Variants in SALL3 observed in about 807,000 individuals in gnomAD.
SALL3 encodes spalt like transcription factor 3, also known as sal-like protein 3.
In SALL3, 25 loss-of-function variants were observed where a neutral mutation model predicts 66.2. That is an observed-to-expected ratio of 0.38 (90% CI 0.28 to 0.53). SALL3 has a LOEUF of 0.53. Ranked by LOEUF, SALL3 falls within the 20% of genes least tolerant of loss-of-function variation. SALL3 has a pLI of 0.85. For synonymous variants in SALL3, 1,152 were observed against 899.1 expected, an observed-to-expected ratio of 1.28 and a Z score of -5.03; for missense variants, 2,194 against 1,916.5, an observed-to-expected ratio of 1.14 and a Z score of -2.70.
rs367831612 is a variant in SALL3, at chr18:78,995,277, C to T, written c.3286C>T (p.Pro1096Ser). ...CGCCGGGCCTCAGACAGTGATGGGC[C>T]CGGGCCTGGCGCCCATGCTGGCCCC... is the stretch of plus-strand genomic sequence containing the variant. ...VPAGPQTVMG[P>S]GLAPMLAPPP... is the part of the protein sequence containing the mutation. Residue 1096 changes from proline to serine, a missense_variant, in exon 2 of 3, where the codon CCG (proline) becomes TCG (serine). By Grantham distance (74) the Pro-to-Ser change is moderately conservative (BLOSUM62 -1). Coordinates refer to ENST00000537592, the MANE Select transcript of SALL3 (RefSeq NM_171999.4). 9 of 1,586,964 alleles carry T rather than the reference C, an allele frequency of 5.7e-6. No individual in the cohort carries two copies. The highest frequency in any genetic ancestry group is 7.7e-6 in the Non-Finnish European group (9 of 1,171,916).
chr18:78,992,551 C>G lies in SALL3; in HGVS notation c.560C>G (p.Ala187Gly). 1 of 1,498,284 alleles carries G rather than the reference C, an allele frequency of 6.7e-7. No individual in the cohort carries two copies. 92.8% of individuals were successfully genotyped at this position (1,498,284 alleles called of 1,614,324 possible). ...GCGCAGTTCTCGCAGGGCGCGCGCGCGGCAGGCGGCTCGGGAGCAGGTGGA... is the reference window on the plus strand; with the variant it reads ...GCGCAGTTCTCGCAGGGCGCGCGCGGGGCAGGCGGCTCGGGAGCAGGTGGA... ...AVAQFSQGARAAGGSGAGGGV... is the reference protein window; with the variant it reads ...AVAQFSQGARGAGGSGAGGGV... The change falls in exon 2 of 3, where the codon GCG (alanine) becomes GGG (glycine). Residue 187 changes from alanine to glycine, a missense_variant. By Grantham distance (60) the Ala-to-Gly change is moderately conservative (BLOSUM62 0). Transcript: ENST00000537592.
chr18:78,987,608 G>C (rs1243170979), intron 1 of SALL3, among the ~76,000 whole-genome samples: 2 of 152,176 alleles, frequency 1.3e-5, no homozygotes, highest in Non-Finnish European at 2.9e-5. Context: ...TTTTTATCCT[G>C]TGTAGTGCAG....
Position 78,980,212 on chromosome 18 carries a change from C to A in SALL3, c.-63C>A. The A allele has an allele frequency of 2.4e-6, 2 of 836,416 alleles. No homozygotes were observed. The highest frequency in any genetic ancestry group is 2.9e-6 in the Non-Finnish European group (2 of 695,948). 51.8% of individuals were successfully genotyped at this position (836,416 alleles called of 1,614,324 possible). A position where few individuals can be genotyped will look rare whatever the true frequency, so the allele number is the denominator to read the frequency against. ...GCGCGCCCGCCAGGCCGCCCCGCGC[C>A]GTCCCCGCCGGCCGCCCCGCTGATG... On this transcript the variant is annotated 5_prime_UTR_variant, in exon 1 of 3. Transcript: ENST00000537592.
intron 1 of SALL3, among the ~76,000 whole-genome samples, chr18:78,991,215 A>G (rs1402890883): frequency 2.0e-5 from 3 of 152,210 alleles, no homozygotes; most frequent in Admixed American, 1.3e-4. Context: ...ACTGAATTCT[A>G]TTGGCTAATA....
rs1291608073 is a variant in SALL3, at chr18:78,994,099, G to A, written c.2108G>A (p.Gly703Glu). ...AAGATGCACTACCGGACGCACACGG[G>A]GGAGCGGCCGTTCAAGTGCAAGATC... The part of the protein sequence containing the change: ...ALKMHYRTHT[G>E]ERPFKCKICG... Residue 703 changes from glycine (G) to glutamate (E), a missense_variant, in exon 2 of 3, where the codon GGG (glycine) becomes GAG (glutamate). Coordinates refer to ENST00000537592, the MANE Select transcript of SALL3 (RefSeq NM_171999.4). 11 of 1,612,820 alleles carry A rather than the reference G, an allele frequency of 6.8e-6. No individual in the cohort carries two copies. The highest frequency in any genetic ancestry group is 9.3e-6 in the Non-Finnish European group (11 of 1,179,992).
Position 78,994,169 on chromosome 18 carries a change from C to T in SALL3, c.2178C>T (p.Phe726=), listed in dbSNP as rs541206834. 109 of 1,613,196 alleles carry T rather than the reference C, an allele frequency of 6.8e-5. 1 individual carries two copies. The South Asian group carries it at 1.1e-3, about 17-fold the overall frequency. Residue 726 remains phenylalanine, a synonymous_variant, in exon 2 of 3, where the codon TTC becomes TTT. Coordinates refer to ENST00000537592, the MANE Select transcript of SALL3 (RefSeq NM_171999.4). ...FTTKGNLKTH[F]GVHRAKPPLR... is the part of the protein sequence containing the mutation. ...CCAAGGGCAACCTCAAGACGCACTT[C>T]GGCGTGCACCGTGCAAAGCCGCCCC...
chr18:78,991,970 G>A (rs1175273633), intron 1 of SALL3, 104 bp from the exon 2 acceptor site: 3 of 912,308 alleles, frequency 3.3e-6, no homozygotes, highest in Non-Finnish European at 4.6e-6. Flanking sequence ...ATGTCGAAGT[G>A]GGGTAATTTG....
chr18:78,992,053 C>T (rs1005624623), intron 1 of SALL3, 21 bp from the exon 2 acceptor site: 2 of 1,414,014 alleles, frequency 1.4e-6, no homozygotes, highest in Non-Finnish European at 1.8e-6. Context: ...CCCCGGCTGA[C>T]TCACTCTCTT....
At position 78,994,885 on chromosome 18, in the gene SALL3, T is replaced by A; in HGVS notation, c.2894T>A (p.Leu965Gln). The A allele has an allele frequency of 6.2e-7, 1 of 1,611,196 alleles. No individual in the cohort carries two copies. The highest frequency in any genetic ancestry group is 8.5e-7 in the Non-Finnish European group (1 of 1,179,014). Residue 965 changes from leucine (L) to glutamine (Q), a missense_variant, in exon 2 of 3, where the codon CTG becomes CAG. Leu to Gln is a moderately radical substitution (Grantham distance 113). Coordinates refer to ENST00000537592, the MANE Select transcript of SALL3 (RefSeq NM_171999.4). The stretch of plus-strand genomic sequence containing the variant: ...AAGGAGGAGGCGCCCTTCAGCCTGC[T>A]GTTCCTGAGCAGGGAGCGGGGTAAG... ...GIKEEAPFSL[L>Q]FLSRERGKCP...
chr18:78,987,097 TGTAAAACCAAATCA>T lies in SALL3; in HGVS notation c.83-4975_83-4962del, dbSNP rs536901622. 5.6e-3 allele frequency among the ~76,000 whole-genome samples: 852 copies of T among 152,282 alleles called. 9 individuals carry two copies. Among genetic ancestry groups the T allele is most frequent in the African/African-American group, 0.019 (773 of 41,572 alleles). On this transcript the variant is annotated intron_variant, in intron 1 of 2. Transcript: ENST00000537592. ...AGGTTTTTTCTCATGTAATTTCTCA[TGTAAAACCAAATCA>T]GAGGATTAGTTTGCTTGGAAATCAC...
At chr18:78,981,639 G>T (rs556513153) in intron 1 of SALL3, among the ~76,000 whole-genome samples, 4 of 152,294 alleles carry the variant, frequency 2.6e-5, no homozygotes, top group African/African-American at 9.6e-5. Flanking sequence ...TTTTTGTTGC[G>T]GTGGAGGTAA....
intron 1 of SALL3, among the ~76,000 whole-genome samples, chr18:78,987,245 A>G (rs968839121): frequency 4.6e-5 from 7 of 152,122 alleles, no homozygotes; most frequent in Non-Finnish European, 7.3e-5. Flanking sequence ...AGATAGATAG[A>G]TTCTATAACA....
rs979728144 is a variant in SALL3, at chr18:78,992,803, C to T, written c.812C>T (p.Pro271Leu). The T allele has an allele frequency of 1.6e-5, 16 of 981,562 alleles. No individual in the cohort carries two copies. The highest frequency in any genetic ancestry group is 1.9e-5 in the Non-Finnish European group (16 of 829,190). 60.8% of individuals were successfully genotyped at this position (981,562 alleles called of 1,614,324 possible). The change falls in exon 2 of 3, where the codon CCT becomes CTT. Residue 271 changes from proline (P) to leucine (L), a missense_variant. By Grantham distance (98) the Pro-to-Leu change is moderately conservative. Coordinates refer to ENST00000537592, the MANE Select transcript of SALL3 (RefSeq NM_171999.4). The part of the protein sequence containing the change: ...LAALPLSAGA[P>L]AAAIAGSGPA... ...GCGCTCCCGCTGTCGGCCGGGGCCC[C>T]TGCCGCCGCCATCGCGGGCTCGGGC...
In SALL3 at chr18:78,994,433, G is replaced by A. The variant is rs761605503; in HGVS notation, c.2442G>A (p.Ala814=). 7 of 1,612,244 alleles carry A rather than the reference G, an allele frequency of 4.3e-6. No homozygotes were observed. The African/African-American group carries it at 8.0e-5, about 18-fold the overall frequency. The stretch of plus-strand genomic sequence containing the variant: ...AGGACGACGCTGAGCTGAAGGACGC[G>A]GCCACCGACCCGGCCAAGCCACTCC... ...SMEDDAELKD[A]ATDPAKPLLS... is the part of the protein sequence containing the mutation. Residue 814 remains alanine, a synonymous_variant, in exon 2 of 3, where the codon GCG becomes GCA. Coordinates refer to ENST00000537592, the MANE Select transcript of SALL3 (RefSeq NM_171999.4).
chr18:78,991,769 A>C, intron 1 of SALL3: 1 of 357,114 alleles, frequency 2.8e-6, no homozygotes, highest in Non-Finnish European at 5.0e-6. Flanking sequence ...GCCCATCGAA[A>C]GCCGGCTTTG....
rs534654030 is a variant in SALL3, at chr18:78,994,541, C to A, written c.2550C>A (p.Ile850=). ...IAALENQMKM[I]DSVMSCQQLT... The stretch of plus-strand genomic sequence containing the variant: ...CCCTGGAGAACCAGATGAAGATGAT[C>A]GACTCGGTCATGAGCTGCCAGCAGC... Residue 850 remains isoleucine (I), a synonymous_variant, in exon 2 of 3, where the codon ATC becomes ATA. Coordinates refer to ENST00000537592, the MANE Select transcript of SALL3 (RefSeq NM_171999.4). 19 of 1,483,544 alleles carry A rather than the reference C, an allele frequency of 1.3e-5. No homozygotes were observed. The African/African-American group carries it at 2.6e-4, about 20-fold the overall frequency. 91.9% of individuals were successfully genotyped at this position (1,483,544 alleles called of 1,614,324 possible).
In SALL3 at chr18:78,993,806, C is replaced by A. The variant is rs1274809398; in HGVS notation, c.1815C>A (p.Asn605Lys). The A allele has an allele frequency of 9.0e-6, 14 of 1,552,898 alleles. No individual in the cohort carries two copies. Among genetic ancestry groups the A allele is most frequent in the Middle Eastern group, 1.7e-4 (1 of 5,976 alleles). ...AGCCCGTCAGCCTGCCCTGCACCAACGCCAGGGCCGGGGACGCTCCCGTGG... is the reference window on the plus strand; with the variant it reads ...AGCCCGTCAGCCTGCCCTGCACCAAAGCCAGGGCCGGGGACGCTCCCGTGG... Reference protein sequence around the residue: ...KAEPVSLPCTNARAGDAPVGA... With the variant: ...KAEPVSLPCTKARAGDAPVGA... Residue 605 changes from asparagine (N) to lysine (K), a missense_variant, in exon 2 of 3, where the codon AAC becomes AAA. Physicochemically the swap from Asn to Lys is moderately conservative, Grantham distance 94 (BLOSUM62 0). Transcript: ENST00000537592.
chr18:78,985,671 C>T (rs188132011), intron 1 of SALL3, among the ~76,000 whole-genome samples: 3 of 152,300 alleles, frequency 2.0e-5, no homozygotes, highest in Non-Finnish European at 4.4e-5. Context: ...CTGATGGTAG[C>T]CTTGCTTCTG....
Position 78,995,935 on chromosome 18 carries a change from G to A in SALL3, c.3471+473G>A, listed in dbSNP as rs147873668. ...CCTCTGATGCCTTCAGCCAGGTTAG[G>A]CATTCCTTAGGGGTGAGAATGCTCA... On this transcript the variant is annotated intron_variant, in intron 2 of 2. Transcript: ENST00000537592. Among the ~76,000 whole-genome samples, 5 of 152,296 alleles carry A rather than the reference G, an allele frequency of 3.3e-5. No individual in the cohort carries two copies. In the East Asian group the frequency reaches 9.7e-4, roughly 29 times the overall value.
Sources: gnomAD v4.1 joint callset for allele counts (sites outside exome capture counted in the v4.1 genomes callset) on GRCh38, gnomAD v4.1.1 for gene constraint, MANE v1.5 for transcripts, NCBI Gene and HGNC (gene_info 2026-07-23, HGNC 2026-07-21) for gene names.